GRID2: variants seen among roughly 807,000 people sequenced by gnomAD.
GRID2 encodes glutamate receptor ionotropic, delta-2.
In GRID2, 33 loss-of-function variants were observed where a neutral mutation model predicts 114.8. That is an observed-to-expected ratio of 0.29 (90% CI 0.22 to 0.38). The LOEUF (loss-of-function observed/expected upper bound fraction) is 0.38, where lower values mean the gene tolerates loss of function less well. Among genes scored for constraint, GRID2 ranks in the 10% least tolerant of loss-of-function variants. The pLI, the probability that GRID2 is intolerant of heterozygous loss-of-function variation, is 1.00. For missense variants in GRID2, 1,184 were observed against 1,257.7 expected (o/e 0.94, Z 0.89); for synonymous variants, 505 against 449.9 (o/e 1.12, Z -1.55).
intron 13 of GRID2, among the ~76,000 whole-genome samples, chr4:93,593,787 C>G (rs531292547): frequency 1.3e-5 from 2 of 152,124 alleles, no homozygotes; most frequent in African/African-American, 4.8e-5. Flanking sequence ...CTTTCCTTCT[C>G]GCTTCATTTC....
intron 2 of GRID2, among the ~76,000 whole-genome samples, chr4:92,843,117 C>T (rs950526650): frequency 6.6e-6 from 1 of 151,922 alleles, no homozygotes; most frequent in Non-Finnish European, 1.5e-5. Context: ...GTAACACATA[C>T]CTGTAGTCCC....
At chr4:92,407,915 T>C (rs1731103322) in intron 1 of GRID2, among the ~76,000 whole-genome samples, 1 of 152,186 alleles carries the variant, frequency 6.6e-6, no homozygotes, top group African/African-American at 2.4e-5. Context: ...TTTCTTTTTC[T>C]GTGCAGAAGC....
chr4:92,798,107 A>G (rs1739980785), intron 2 of GRID2, among the ~76,000 whole-genome samples: 1 of 151,966 alleles, frequency 6.6e-6, no homozygotes, highest in South Asian at 2.1e-4. Context: ...ATTGTTTTTA[A>G]TATTTTCATT....
chr4:93,120,291 C>T (rs922713707), intron 4 of GRID2, among the ~76,000 whole-genome samples: 2 of 152,124 alleles, frequency 1.3e-5, no homozygotes, highest in African/African-American at 4.8e-5. Flanking sequence ...ATGACACATG[C>T]ACACGGATGT....
At chr4:92,717,328 A>C (rs17019814) in intron 2 of GRID2, among the ~76,000 whole-genome samples, 2 of 152,138 alleles carry the variant, frequency 1.3e-5, no homozygotes, top group African/African-American at 2.4e-5. Context: ...GCAAGAATAA[A>C]CCTTAATAGC....
intron 10 of GRID2, among the ~76,000 whole-genome samples, chr4:93,449,296 T>G (rs2149402988): frequency 6.6e-6 from 1 of 151,998 alleles, no homozygotes; most frequent in Middle Eastern, 3.4e-3. Flanking sequence ...CTGTAGAAAA[T>G]ATTTAAAGTT....
At chr4:93,614,748 C>T (rs1433616133) in intron 13 of GRID2, among the ~76,000 whole-genome samples, 3 of 151,864 alleles carry the variant, frequency 2.0e-5, no homozygotes, top group Admixed American at 6.6e-5. Context: ...TTGCTGACAC[C>T]GTGCTGGATA....
intron 2 of GRID2, among the ~76,000 whole-genome samples, chr4:92,856,058 C>A (rs1744158524): frequency 6.6e-6 from 1 of 151,992 alleles, no homozygotes; most frequent in Non-Finnish European, 1.5e-5. Context: ...AGTCTTTCCT[C>A]CAAGCTGGAA....
intron 14 of GRID2, among the ~76,000 whole-genome samples, chr4:93,720,289 G>T (rs991050106): frequency 2.0e-5 from 3 of 152,072 alleles, no homozygotes; most frequent in Non-Finnish European, 4.4e-5. Context: ...ATATTAAAAA[G>T]AATAGGAAAC....
At position 92,597,683 on chromosome 4, in the gene GRID2, A is replaced by G. The variant is rs79753459; in HGVS notation, c.244+7397A>G. On this transcript the variant is annotated intron_variant, in intron 2 of 15. Coordinates refer to ENST00000282020, the MANE Select transcript of GRID2 (RefSeq NM_001510.4). Reference sequence around the variant, plus strand: ...GCACATCACTTTCTTGTATTCTTCTATGTCTGTATGTATGGTGCATGGATA... The same window carrying G: ...GCACATCACTTTCTTGTATTCTTCTGTGTCTGTATGTATGGTGCATGGATA... 4.6e-4 allele frequency among the ~76,000 whole-genome samples: 70 copies of G among 152,188 alleles called. 1 individual carries two copies. In the East Asian group the frequency reaches 9.9e-3, roughly 21 times the overall value.
chr4:93,263,984 T>G (rs781392703), intron 8 of GRID2, among the ~76,000 whole-genome samples: 1 of 152,110 alleles, frequency 6.6e-6, no homozygotes, highest in Non-Finnish European at 1.5e-5. Flanking sequence ...AGAGTTGCAT[T>G]TTGCATAGCT....
Position 93,121,951 on chromosome 4 carries a change from T to C in GRID2, c.735+10998T>C, listed in dbSNP as rs144373886. Among the ~76,000 whole-genome samples the C allele has an allele frequency of 4.1e-3, 629 of 152,306 alleles. 8 individuals carry two copies. Among genetic ancestry groups the C allele is most frequent in the African/African-American group, 0.015 (608 of 41,582 alleles). On this transcript the variant is annotated intron_variant, in intron 4 of 15. Transcript: ENST00000282020. ...TTTTATGGAGTGCCTGTTGAAGTTA[T>C]AGTCCCCCCTTCTTTCCCCTCATGA...
intron 2 of GRID2, among the ~76,000 whole-genome samples, chr4:92,798,027 G>A (rs995347450): frequency 1.3e-5 from 2 of 151,870 alleles, no homozygotes; most frequent in Non-Finnish European, 2.9e-5. Flanking sequence ...TTAAGGTCCT[G>A]AATCAAACAA....
intron 13 of GRID2, among the ~76,000 whole-genome samples, chr4:93,594,685 G>A (rs142012662): frequency 0.024 from 3,600 of 152,254 alleles, 60 homozygotes; most frequent in East Asian, 0.063. Context: ...ATCTCAGACT[G>A]CTGTGCTAGC....
At chr4:92,853,165 C>G (rs1006125200) in intron 2 of GRID2, among the ~76,000 whole-genome samples, 1 of 151,844 alleles carries the variant, frequency 6.6e-6, no homozygotes, top group African/African-American at 2.4e-5. Flanking sequence ...AGCTCACTAA[C>G]CTTCAGGTCC....
At chr4:92,306,459 A>C (rs1454658552) in intron 1 of GRID2, among the ~76,000 whole-genome samples, 1 of 152,240 alleles carries the variant, frequency 6.6e-6, no homozygotes, top group Non-Finnish European at 1.5e-5. Flanking sequence ...GAGAAATGGC[A>C]TACATTTATA....
intron 1 of GRID2, among the ~76,000 whole-genome samples, chr4:92,319,287 G>A (rs1417072695): frequency 6.6e-6 from 1 of 152,120 alleles, no homozygotes; most frequent in African/African-American, 2.4e-5. Context: ...TTAATATTAT[G>A]TGTCATTCAC....
At chr4:93,749,438 A>G (rs763621865) in intron 14 of GRID2, among the ~76,000 whole-genome samples, 6 of 152,222 alleles carry the variant, frequency 3.9e-5, no homozygotes, top group African/African-American at 9.6e-5. Flanking sequence ...GAAAACAATC[A>G]TAGCTTCTGT....
intron 11 of GRID2, among the ~76,000 whole-genome samples, chr4:93,472,098 G>C (rs1225770318): frequency 6.6e-6 from 1 of 151,300 alleles, no homozygotes; most frequent in African/African-American, 2.4e-5. Context: ...ACTGAGGCGG[G>C]CGGATCACCT....
Sources: gnomAD v4.1 joint callset for allele counts (sites outside exome capture counted in the v4.1 genomes callset) on GRCh38, gnomAD v4.1.1 for gene constraint, MANE v1.5 for transcripts, NCBI Gene and HGNC (gene_info 2026-07-23, HGNC 2026-07-21) for gene names.